Variants in MAGI3 observed in about 807,000 individuals in gnomAD.
MAGI3 encodes membrane-associated guanylate kinase, WW and PDZ domain-containing protein 3.
A neutral mutation model predicts 121.8 loss-of-function variants in MAGI3; 43 were observed. That is an observed-to-expected ratio of 0.35 (90% CI 0.28 to 0.46). MAGI3 has a LOEUF of 0.46. Among genes scored for constraint, MAGI3 ranks in the 20% least tolerant of loss-of-function variants. The probability of loss-of-function intolerance (pLI) is 1.00; values close to 1 mark genes in which losing one functional copy is unlikely to be tolerated. For synonymous variants in MAGI3, 553 were observed against 639.3 expected, an observed-to-expected ratio of 0.86 and a Z score of 2.04; for missense variants, 1,547 against 1,797.3, an observed-to-expected ratio of 0.86 and a Z score of 2.52.
chr1:113,550,629 G>A (rs1659741934), intron 2 of MAGI3, among the ~76,000 whole-genome samples: 1 of 151,212 alleles, frequency 6.6e-6, no homozygotes, highest in Non-Finnish European at 1.5e-5. Context: ...GGTGGCAGGC[G>A]CCTGTAATCT....
rs1342731814 is a variant in MAGI3, at chr1:113,619,780, C to T, written c.1121C>T (p.Ala374Val). 6.2e-7 allele frequency: 1 copy of T among 1,612,876 alleles called. No homozygotes were observed. Among genetic ancestry groups the T allele is most frequent in the Non-Finnish European group, 8.5e-7 (1 of 1,179,360 alleles). ...KTQFENPVEE[A>V]KRKKQLGQVE... ...CAGTTTGAAAATCCAGTGGAGGAAG[C>T]CAAAAGGAAAAAGCAGTTAGGACAG... Residue 374 changes from alanine (A) to valine (V), a missense_variant, in exon 8 of 21, where the codon GCC becomes GTC. Physicochemically the swap from Ala to Val is moderately conservative, Grantham distance 64. Coordinates refer to ENST00000307546, the MANE Select transcript of MAGI3 (RefSeq NM_001142782.2).
chr1:113,542,338 G>A (rs1049720619), intron 1 of MAGI3, among the ~76,000 whole-genome samples: 9 of 80,344 alleles, frequency 1.1e-4, no homozygotes, highest in South Asian at 1.0e-3. Flanking sequence ...GGAACAGGAC[G>A]GTATGGGAGT....
chr1:113,650,950 A>T lies in MAGI3; in HGVS notation c.2248-64A>T. 2 of 1,436,370 alleles carry T rather than the reference A, an allele frequency of 1.4e-6. 1 individual carries two copies. Among genetic ancestry groups the T allele is most frequent in the South Asian group, 2.4e-5 (2 of 82,314 alleles). 89.0% of individuals were successfully genotyped at this position (1,436,370 alleles called of 1,614,324 possible). ...TTGGTTTGCACAATGCTAAGTTAGG[A>T]ATTCCTTAACTCTTCAGCTAAACTT... On this transcript the variant is annotated intron_variant, in intron 13 of 20. Coordinates refer to ENST00000307546, the MANE Select transcript of MAGI3 (RefSeq NM_001142782.2).
intron 2 of MAGI3, among the ~76,000 whole-genome samples, chr1:113,574,227 C>A (rs1647484875): frequency 6.6e-6 from 1 of 152,128 alleles, no homozygotes; most frequent in Non-Finnish European, 1.5e-5. Context: ...TTAATTATAT[C>A]CTGTCATCAT....
chr1:113,526,624 G>A (rs1048898491), intron 1 of MAGI3, among the ~76,000 whole-genome samples: 4 of 152,156 alleles, frequency 2.6e-5, no homozygotes, highest in Non-Finnish European at 2.9e-5. Flanking sequence ...TAGCTCAATT[G>A]GAAGGTTACC....
intron 1 of MAGI3, among the ~76,000 whole-genome samples, chr1:113,425,642 G>A (rs1465112209): frequency 1.3e-5 from 2 of 151,824 alleles, no homozygotes; most frequent in Non-Finnish European, 2.9e-5. Context: ...ATCTTGGTTG[G>A]GTGGTTTTTG....
chr1:113,622,335 A>G (rs1650878778), intron 8 of MAGI3, among the ~76,000 whole-genome samples: 1 of 64,088 alleles, frequency 1.6e-5, no homozygotes, highest in African/African-American at 6.4e-5. Flanking sequence ...GGGCATTTCA[A>G]AAGAACTATG....
At chr1:113,442,503 CA>C (rs1300400936) in intron 1 of MAGI3, among the ~76,000 whole-genome samples, 2 of 150,578 alleles carry the variant, frequency 1.3e-5, no homozygotes, top group Non-Finnish European at 3.0e-5. Flanking sequence ...AGGTCACTTG[CA>C]AAAAAAATTG....
chr1:113,670,094 T>C (rs1571027853), intron 16 of MAGI3, among the ~76,000 whole-genome samples: 1 of 143,594 alleles, frequency 7.0e-6, no homozygotes, highest in Non-Finnish European at 1.5e-5. Flanking sequence ...AACACAACCC[T>C]CTGGGTAAGT....
intron 1 of MAGI3, among the ~76,000 whole-genome samples, chr1:113,394,014 A>G (rs1309866960): frequency 6.6e-6 from 1 of 152,180 alleles, no homozygotes; most frequent in Admixed American, 6.5e-5. Context: ...CTTCTGACAA[A>G]GTCCATGGCA....
intron 6 of MAGI3, among the ~76,000 whole-genome samples, chr1:113,595,742 CTT>C (rs1349875917): frequency 1.3e-5 from 2 of 152,168 alleles, no homozygotes; most frequent in African/African-American, 4.8e-5. Flanking sequence ...CATAGGAAGA[CTT>C]AAAATAATTG....
chr1:113,570,056 G>A (rs1024770930), intron 2 of MAGI3, among the ~76,000 whole-genome samples: 12 of 151,696 alleles, frequency 7.9e-5, no homozygotes, highest in Admixed American at 3.9e-4. Context: ...CCCACACCCC[G>A]ACAGACCCCA....
chr1:113,396,895 A>G (rs1651143571), intron 1 of MAGI3, among the ~76,000 whole-genome samples: 4 of 152,116 alleles, frequency 2.6e-5, no homozygotes, highest in Admixed American at 1.3e-4. Context: ...CTCTTTAGGT[A>G]GGTCTTAGTA....
intron 1 of MAGI3, among the ~76,000 whole-genome samples, chr1:113,433,460 A>C (rs1435444721): frequency 6.6e-6 from 1 of 152,218 alleles, no homozygotes; most frequent in Non-Finnish European, 1.5e-5. Context: ...ATTCTCTCTA[A>C]ATCCATAGCT....
intron 2 of MAGI3, among the ~76,000 whole-genome samples, chr1:113,579,151 A>G (rs776046409): frequency 6.6e-6 from 1 of 152,192 alleles, no homozygotes; most frequent in Non-Finnish European, 1.5e-5. Context: ...ACCTACTGTG[A>G]TCTTTGCACT....
At position 113,601,989 on chromosome 1, in the gene MAGI3, G is replaced by A. The variant is rs939085543; in HGVS notation, c.1018+7429G>A. On this transcript the variant is annotated intron_variant, in intron 6 of 20. Coordinates refer to ENST00000307546, the MANE Select transcript of MAGI3 (RefSeq NM_001142782.2). ...TCGCAAGAACAAAAAACCAAACACC[G>A]TATATTCTCACTCATAGGTTGGAAC... Among the ~76,000 whole-genome samples the A allele has an allele frequency of 4.0e-5, 6 of 151,758 alleles. No individual in the cohort carries two copies. The East Asian group carries it at 5.8e-4, about 15-fold the overall frequency.
At chr1:113,668,569 C>CTTTTTTTTT (rs370302032) in intron 16 of MAGI3, among the ~76,000 whole-genome samples, 2 of 94,850 alleles carry the variant, frequency 2.1e-5, no homozygotes, top group Non-Finnish European at 2.0e-5. Context: ...AAACATGTAA[C>CTTTTTTTTT]TTTTTTTTTT....
At chr1:113,450,102 G>A in intron 1 of MAGI3, 1 of 1,464,534 alleles carries the variant, frequency 6.8e-7, no homozygotes, top group African/African-American at 1.4e-5. Context: ...AACCATAGAA[G>A]TTACGGAAGA....
intron 9 of MAGI3, among the ~76,000 whole-genome samples, chr1:113,639,464 G>T (rs1382167040): frequency 6.6e-6 from 1 of 152,130 alleles, no homozygotes; most frequent in Non-Finnish European, 1.5e-5. Flanking sequence ...TGCGATGGCA[G>T]AATCTCGGCT....
Sources: gnomAD v4.1 joint callset for allele counts (sites outside exome capture counted in the v4.1 genomes callset) on GRCh38, gnomAD v4.1.1 for gene constraint, MANE v1.5 for transcripts, NCBI Gene and HGNC (gene_info 2026-07-23, HGNC 2026-07-21) for gene names.